DDX42: variants seen among roughly 807,000 people sequenced by gnomAD.
DDX42 encodes the protein ATP-dependent RNA helicase DDX42.
In DDX42, 22 loss-of-function variants were observed where a neutral mutation model predicts 101.5. That is an observed-to-expected ratio of 0.22 (90% CI 0.15 to 0.31). The LOEUF (loss-of-function observed/expected upper bound fraction) is 0.31, where lower values mean the gene tolerates loss of function less well. DDX42 is among the 10% of genes least tolerant of loss of function. DDX42 has a pLI of 1.00. For synonymous variants in DDX42, 402 were observed against 401.2 expected (o/e 1.00, Z -0.02); for missense variants, 849 against 1,199.9 (o/e 0.71, Z 4.32).
intron 11 of DDX42, among the ~76,000 whole-genome samples, chr17:63,809,997 C>T (rs186290818): frequency 6.6e-6 from 1 of 152,246 alleles, no homozygotes; most frequent in African/African-American, 2.4e-5. Context: ...GCTTTCCTAT[C>T]CTCGTAGCTG....
chr17:63,779,504 T>C (rs1237693888), intron 1 of DDX42, among the ~76,000 whole-genome samples: 1 of 152,206 alleles, frequency 6.6e-6, no homozygotes, highest in East Asian at 1.9e-4. Flanking sequence ...GCTCGAGCCA[T>C]CCTCCTGCCT....
intron 16 of DDX42, 47 bp downstream of exon 16, chr17:63,815,720 C>A: frequency 7.5e-7 from 1 of 1,326,182 alleles, no homozygotes; most frequent in Non-Finnish European, 1.1e-6. Context: ...GGTCTCATGT[C>A]CTGAAAGTCA....
chr17:63,803,419 G>A (rs560257825), intron 6 of DDX42, among the ~76,000 whole-genome samples: 7 of 151,668 alleles, frequency 4.6e-5, no homozygotes, highest in African/African-American at 1.2e-4. Context: ...TGAAACCCCC[G>A]TCTTTGGGAT....
At chr17:63,799,674 T>C in intron 5 of DDX42, 49 bp downstream of exon 5, 13 of 1,576,968 alleles carry the variant, frequency 8.2e-6, no homozygotes, top group Non-Finnish European at 9.5e-6. Flanking sequence ...CCACAAAGTC[T>C]ATACTGGGGA....
At position 63,818,052 on chromosome 17, in the gene DDX42, C is replaced by T; in HGVS notation, c.2471C>T (p.Thr824Ile). The change falls in exon 18 of 18, where the codon ACT (threonine) becomes ATT (isoleucine). Residue 824 changes from threonine to isoleucine, a missense_variant. Thr to Ile is a moderately conservative substitution (Grantham distance 89). Transcript: ENST00000389924. Reference protein sequence around the residue: ...RGSSRHSHGETGNRHSDSPRH... With the variant: ...RGSSRHSHGEIGNRHSDSPRH... Reference sequence around the variant, plus strand: ...AGCAGCCGTCACAGTCACGGAGAGACTGGCAATCGGCATAGCGATAGTCCA... The same window carrying T: ...AGCAGCCGTCACAGTCACGGAGAGATTGGCAATCGGCATAGCGATAGTCCA... 6.2e-7 allele frequency: 1 copy of T among 1,614,002 alleles called. No individual in the cohort carries two copies. The highest frequency in any genetic ancestry group is 8.5e-7 in the Non-Finnish European group (1 of 1,180,030).
At chr17:63,808,713 T>C in intron 9 of DDX42, 107 bp from the exon 10 acceptor site, 1 of 1,389,394 alleles carries the variant, frequency 7.2e-7, no homozygotes, top group Non-Finnish European at 1.0e-6. Context: ...ATGTTCTAGG[T>C]TTCGATTTTT....
intron 1 of DDX42, among the ~76,000 whole-genome samples, chr17:63,777,273 T>C (rs2039431955): frequency 6.6e-6 from 1 of 152,154 alleles, no homozygotes; most frequent in Admixed American, 6.5e-5. Context: ...ACTGTTTCTC[T>C]TCAGCCTAGT....
At chr17:63,814,675 CTTTTTTTTTTT>C (rs58211962) in intron 15 of DDX42, among the ~76,000 whole-genome samples, 7 of 90,456 alleles carry the variant, frequency 7.7e-5, no homozygotes, top group Admixed American at 1.5e-4. Context: ...GAGACATTTG[CTTTTTTTTTTT>C]TTTTTTTTTT....
Position 63,806,610 on chromosome 17 carries a change from A to G in DDX42, c.802A>G (p.Ile268Val). Residue 268 changes from isoleucine to valine, a missense_variant, in exon 8 of 18, where the codon ATT becomes GTT. By Grantham distance (29) the Ile-to-Val change is conservative. Transcript: ENST00000389924. ...FGFDEQLMHQIRKSEYTQPTP... is the reference protein window; with the variant it reads ...FGFDEQLMHQVRKSEYTQPTP... ...GTTTGACGAACAACTTATGCACCAG[A>G]TTCGGAAATCTGAATACACACAGCC... 6 of 1,613,626 alleles carry G rather than the reference A, an allele frequency of 3.7e-6. No individual in the cohort carries two copies. Among genetic ancestry groups the G allele is most frequent in the South Asian group, 1.1e-5 (1 of 90,954 alleles).
At chr17:63,817,610 TA>T in intron 17 of DDX42, 83 bp from the exon 18 acceptor site, 2 of 1,360,130 alleles carry the variant, frequency 1.5e-6, no homozygotes, top group African/African-American at 1.4e-5. Context: ...AGAGTTTCTG[TA>T]AACCTCATCA....
chr17:63,809,781 C>CTA (rs1198168529), intron 11 of DDX42, 122 bp downstream of exon 11: 2 of 701,746 alleles, frequency 2.9e-6, no homozygotes, highest in Non-Finnish European at 4.9e-6. Context: ...TGGGGTTAGA[C>CTA]TATAGAAATA....
At chr17:63,808,246 C>G (rs2144578841) in intron 9 of DDX42, among the ~76,000 whole-genome samples, 1 of 152,302 alleles carries the variant, frequency 6.6e-6, no homozygotes, top group East Asian at 1.9e-4. Flanking sequence ...GGTGTGATCT[C>G]AGCTCACTGC....
At position 63,788,302 on chromosome 17, in the gene DDX42, ATCTGAG is replaced by A. The variant is rs1453232057; in HGVS notation, c.221+1036_221+1041del. Among the ~76,000 whole-genome samples the A allele has an allele frequency of 3.5e-5, 5 of 143,952 alleles. No individual in the cohort carries two copies. The East Asian group carries it at 1.0e-3, about 29-fold the overall frequency. The allele number at this position is 143,952 out of a possible 152,430, so 94.4% of individuals were successfully genotyped here. On this transcript the variant is annotated intron_variant, in intron 2 of 17. Transcript: ENST00000389924. Reference sequence around the variant, plus strand: ...GATGGAAATACAAGTTTGCTTCAACATCTGAGTCTTTTTTTTTTTTTTTTTTGAGAT... The same window carrying A: ...GATGGAAATACAAGTTTGCTTCAACATCTTTTTTTTTTTTTTTTTTGAGAT...
At chr17:63,803,772 C>G (rs2039803627) in intron 6 of DDX42, among the ~76,000 whole-genome samples, 1 of 151,536 alleles carries the variant, frequency 6.6e-6, no homozygotes, top group South Asian at 2.1e-4. Flanking sequence ...GCCTCAGCCT[C>G]CCGAGTAGCT....
chr17:63,787,502 A>C (rs904619012), intron 2 of DDX42, among the ~76,000 whole-genome samples: 1 of 152,148 alleles, frequency 6.6e-6, no homozygotes, highest in Non-Finnish European at 1.5e-5. Context: ...GTTACGTCCT[A>C]CTGGGCTGTT....
At chr17:63,814,381 C>T (rs1196309985) in intron 15 of DDX42, among the ~76,000 whole-genome samples, 1 of 152,220 alleles carries the variant, frequency 6.6e-6, no homozygotes, top group Non-Finnish European at 1.5e-5. Context: ...CTGGTACAAC[C>T]CAGCTGCAAT....
At chr17:63,814,420 G>A (rs555459926) in intron 15 of DDX42, among the ~76,000 whole-genome samples, 2 of 152,354 alleles carry the variant, frequency 1.3e-5, no homozygotes, top group East Asian at 3.9e-4. Context: ...CTGGTCCTAG[G>A]AGTAAAGGAC....
intron 13 of DDX42, 38 bp downstream of exon 13, chr17:63,811,211 T>G: frequency 7.1e-7 from 1 of 1,412,660 alleles, no homozygotes; most frequent in Non-Finnish European, 9.8e-7. Context: ...CTTAATGGGT[T>G]TATTTCTCAT....
At chr17:63,780,315 AAGT>A (rs943571949) in intron 1 of DDX42, among the ~76,000 whole-genome samples, 33 of 136,396 alleles carry the variant, frequency 2.4e-4, no homozygotes, top group Non-Finnish European at 7.9e-5. Flanking sequence ...AAAAAAAAAA[AAGT>A]AGGAAAAACT....
Sources: allele counts gnomAD v4.1 joint callset (sites outside exome capture counted in the v4.1 genomes callset), GRCh38; gene constraint gnomAD v4.1.1; transcripts MANE v1.5; gene names NCBI Gene and HGNC (gene_info 2026-07-23, HGNC 2026-07-21).